The following CACNA1C variants were observed in gnomAD, a reference collection of about 807,000 sequenced individuals.
CACNA1C encodes voltage-dependent L-type calcium channel subunit alpha-1C.
CACNA1C carries 30 observed loss-of-function variants against 229.0 expected under a neutral mutation model. The observed-to-expected ratio is 0.13, with a 90% CI of 0.10 to 0.18. The LOEUF (loss-of-function observed/expected upper bound fraction) is 0.18. Ranked by LOEUF, CACNA1C falls within the 10% of genes least tolerant of loss-of-function variation. CACNA1C has a pLI of 1.00. For missense variants in CACNA1C, 1,658 were observed against 2,845.0 expected (o/e 0.58, Z 9.49); for synonymous variants, 1,114 against 1,132.5 (o/e 0.98, Z 0.33).
At chr12:1,997,948 A>G in intron 1 of CACNA1C, 2 of 1,609,018 alleles carry the variant, frequency 1.2e-6, no homozygotes, top group Non-Finnish European at 8.5e-7. Flanking sequence ...GTATAAACAA[A>G]TAAGGTTCCT....
intron 3 of CACNA1C, among the ~76,000 whole-genome samples, chr12:2,430,106 TGGTGGAAGGG>T (rs1189192294): frequency 2.0e-5 from 3 of 152,140 alleles, no homozygotes; most frequent in Non-Finnish European, 4.4e-5. Context: ...TGTCCTCACA[TGGTGGAAGGG>T]GTGAGCTAGC....
chr12:2,390,503 C>T (rs549783039), intron 3 of CACNA1C, among the ~76,000 whole-genome samples: 1 of 152,298 alleles, frequency 6.6e-6, no homozygotes, highest in Non-Finnish European at 1.5e-5. Flanking sequence ...GGAAGAAAGA[C>T]ACAAATAAAA....
At chr12:2,508,723 C>G (rs1387034945) in intron 8 of CACNA1C, among the ~76,000 whole-genome samples, 1 of 152,202 alleles carries the variant, frequency 6.6e-6, no homozygotes, top group Non-Finnish European at 1.5e-5. Context: ...TAGACCTCTT[C>G]TATCTGGATC....
rs2096000459 is a variant in CACNA1C at position 2,665,072 on chromosome 12, A to G, written c.4398+82A>G. On this transcript the variant is annotated intron_variant, in intron 35 of 46. Transcript: ENST00000399655. This position sits in a 1 kb window ranked among gnomAD's most constrained non-coding sequence, Gnocchi z 5.9. The stretch of plus-strand genomic sequence containing the variant: ...TCTGAACCGTCCATCTCTGCAGCTC[A>G]TGGTCAGGGCAACCCTATCAGAGGA... 4 of 1,450,052 alleles carry G rather than the reference A, an allele frequency of 2.8e-6. No homozygotes were observed. Among genetic ancestry groups the G allele is most frequent in the Non-Finnish European group, 3.8e-6 (4 of 1,039,480 alleles). 89.8% of individuals were successfully genotyped at this position (1,450,052 alleles called of 1,614,324 possible). A position where few individuals can be genotyped will look rare whatever the true frequency, so the allele number is the denominator to read the frequency against.
At chr12:2,105,125 C>G (rs1412548959) in intron 1 of CACNA1C, among the ~76,000 whole-genome samples, 1 of 152,202 alleles carries the variant, frequency 6.6e-6, no homozygotes, top group Non-Finnish European at 1.5e-5. Context: ...CCAGCTGCCC[C>G]ATAAATAACA....
chr12:2,000,668 A>G (rs984783476), intron 1 of CACNA1C, among the ~76,000 whole-genome samples: 2 of 152,172 alleles, frequency 1.3e-5, no homozygotes, highest in Admixed American at 1.3e-4. Context: ...ACAACCTGGG[A>G]CCTGTAGTGG....
chr12:2,171,675 A>C (rs1017211537), intron 3 of CACNA1C, among the ~76,000 whole-genome samples: 4 of 152,228 alleles, frequency 2.6e-5, no homozygotes, highest in Non-Finnish European at 4.4e-5. Context: ...GAAGAATAGC[A>C]TAGACAAGGC....
intron 3 of CACNA1C, among the ~76,000 whole-genome samples, chr12:2,421,612 G>A (rs2098980010): frequency 6.6e-6 from 1 of 152,168 alleles, no homozygotes; most frequent in Admixed American, 6.5e-5. Context: ...TCTTGGGTCT[G>A]TAAGAGTATC....
Position 2,128,535 on chromosome 12 carries a change from C to T in CACNA1C, c.477+8105C>T, listed in dbSNP as rs377606103. The stretch of plus-strand genomic sequence containing the variant: ...ACGCCGTTCTCCCGTCTCAGCCTCC[C>T]GAGTAGCTGGGACTACACGCGCTCA... On this transcript the variant is annotated intron_variant, in intron 3 of 46. Coordinates refer to ENST00000399655, the MANE Select transcript of CACNA1C (RefSeq NM_000719.7). Among the ~76,000 whole-genome samples the T allele has an allele frequency of 6.0e-4, 92 of 152,236 alleles. 1 individual carries two copies. The highest frequency in any genetic ancestry group is 2.1e-3 in the African/African-American group (88 of 41,554).
At chr12:2,668,692 T>C (rs538559216) in intron 37 of CACNA1C, 13 of 472,128 alleles carry the variant, frequency 2.8e-5, no homozygotes, top group South Asian at 2.4e-4. Context: ...CACACTTACT[T>C]AAACAAGCAG....
Position 2,488,141 on chromosome 12 carries a change from C to G in CACNA1C, c.916+1879C>G, listed in dbSNP as rs1232678655. Among the ~76,000 whole-genome samples the G allele has an allele frequency of 1.3e-5, 2 of 152,212 alleles. No homozygotes were observed. The highest frequency in any genetic ancestry group is 4.8e-5 in the African/African-American group (2 of 41,458). On this transcript the variant is annotated intron_variant, in intron 6 of 46. Transcript: ENST00000399655. The surrounding 1 kb of genome is among the most constrained non-coding windows in gnomAD (Gnocchi z 4.0). ...GCGGCCCTGCTGTGCAATCAGAGGT[C>G]TGTGCACCACAGAGTAAGGAGAGGG...
chr12:2,399,327 CT>C (rs2098642554), intron 3 of CACNA1C, among the ~76,000 whole-genome samples: 1 of 152,152 alleles, frequency 6.6e-6, no homozygotes, highest in African/African-American at 2.4e-5. Context: ...CTTTTACCCC[CT>C]GTCCTCTTGG....
At chr12:2,428,658 G>A (rs895052602) in intron 3 of CACNA1C, among the ~76,000 whole-genome samples, 2 of 152,300 alleles carry the variant, frequency 1.3e-5, no homozygotes, top group African/African-American at 4.8e-5. Context: ...TCTGTGCTGT[G>A]ACACTCATGG....
chr12:2,664,229 A>G (rs528102523), intron 34 of CACNA1C, among the ~76,000 whole-genome samples: 8 of 152,220 alleles, frequency 5.3e-5, no homozygotes, highest in Non-Finnish European at 1.2e-4. Context: ...CATTTAAAAC[A>G]ATTCACTAAT....
chr12:2,679,613 C>A lies in CACNA1C; in HGVS notation c.5261C>A (p.Thr1754Asn). 1 of 1,613,902 alleles carries A rather than the reference C, an allele frequency of 6.2e-7. No homozygotes were observed. Among genetic ancestry groups the A allele is most frequent in the Non-Finnish European group, 8.5e-7 (1 of 1,179,854 alleles). The change falls in exon 42 of 47, where the codon ACC (threonine) becomes AAC (asparagine). Residue 1754 changes from threonine (T) to asparagine (N), a missense_variant. Thr to Asn is a moderately conservative substitution (Grantham distance 65). This residue lies in a region of CACNA1C where 590 missense variants were observed against 700.8 expected (regional missense o/e 0.84). Coordinates refer to ENST00000399655, the MANE Select transcript of CACNA1C (RefSeq NM_000719.7). This position sits in a 1 kb window ranked among gnomAD's most constrained non-coding sequence, Gnocchi z 5.5. ...SHEKLVDSTFTPSSYSSTGSN... is the reference protein window; with the variant it reads ...SHEKLVDSTFNPSSYSSTGSN... ...GAGAAGCTGGTGGACTCCACCTTCA[C>A]CCCGAGCAGCTACTCGTCCACCGGC...
chr12:2,416,740 T>G (rs1012294774), intron 3 of CACNA1C, among the ~76,000 whole-genome samples: 2 of 152,220 alleles, frequency 1.3e-5, no homozygotes, highest in Admixed American at 1.3e-4. Flanking sequence ...AATTTTTACT[T>G]GACACTGACT....
At chr12:2,089,763 G>A (rs775632909) in intron 1 of CACNA1C, among the ~76,000 whole-genome samples, 40 of 152,132 alleles carry the variant, frequency 2.6e-4, no homozygotes, top group Non-Finnish European at 4.1e-4. Context: ...GGCTGGGCGC[G>A]GTGGCTGACA....
chr12:2,685,932 C>T (rs2097440622), intron 44 of CACNA1C, 90 bp downstream of exon 44: 4 of 998,660 alleles, frequency 4.0e-6, no homozygotes, highest in African/African-American at 1.6e-5. Context: ...TTGTGGCCTG[C>T]CTCAAATCAG....
At chr12:2,621,332 G>T (rs216015) in intron 29 of CACNA1C, among the ~76,000 whole-genome samples, 42,008 of 151,976 alleles carry the variant, frequency 0.28, 6,756 homozygotes, top group African/African-American at 0.45. Context: ...GCCCTGGAGG[G>T]TGAAAAGGAG....
Sources: gnomAD v4.1 joint callset for allele counts (sites outside exome capture counted in the v4.1 genomes callset) on GRCh38, gnomAD v4.1.1 for gene constraint, gnomAD v4.1.1 regional missense constraint, Gnocchi (gnomAD v3.1) non-coding constraint, MANE v1.5 for transcripts, NCBI Gene and HGNC (gene_info 2026-07-23, HGNC 2026-07-21) for gene names.